The following PLPPR1 variants were observed in gnomAD, a reference collection of about 807,000 sequenced individuals.
The protein encoded by PLPPR1 is phospholipid phosphatase-related protein type 1.
A neutral mutation model predicts 33.1 loss-of-function variants in PLPPR1; 10 were observed. The ratio of observed to expected loss-of-function variants is 0.30; its 90% CI spans 0.19 to 0.51. PLPPR1 has a LOEUF of 0.51. Ranked by LOEUF, PLPPR1 falls within the 20% of genes least tolerant of loss-of-function variation. The pLI, the probability that PLPPR1 is intolerant of heterozygous loss-of-function variation, is 0.97. For missense variants in PLPPR1, 304 were observed against 408.1 expected (o/e 0.74, Z 2.20); for synonymous variants, 151 against 151.0 (o/e 1.00, Z 0.00).
intron 5 of PLPPR1, 116 bp from the exon 6 acceptor site, chr9:101,312,682 T>G (rs1828979934): frequency 1.4e-6 from 1 of 704,724 alleles, no homozygotes. Flanking sequence ...GTTAGTGTGG[T>G]TGCTTTGACA....
chr9:101,053,492 C>A (rs1830247479), intron 1 of PLPPR1, among the ~76,000 whole-genome samples: 2 of 152,110 alleles, frequency 1.3e-5, no homozygotes, highest in South Asian at 4.1e-4. Flanking sequence ...TGACAAAAAT[C>A]CCTTGAATTT....
intron 1 of PLPPR1, among the ~76,000 whole-genome samples, chr9:101,090,991 C>T (rs948844587): frequency 6.6e-6 from 1 of 151,632 alleles, no homozygotes; most frequent in Non-Finnish European, 1.5e-5. Flanking sequence ...TTCTTCCCCC[C>T]TCCACTGTTC....
intron 7 of PLPPR1, among the ~76,000 whole-genome samples, chr9:101,321,044 C>G (rs577343694): frequency 1.8e-4 from 27 of 152,294 alleles, no homozygotes; most frequent in African/African-American, 4.8e-4. Context: ...TAAATACCCC[C>G]CTGTGAGCAA....
chr9:101,180,143 TACACAC>T lies in PLPPR1; in HGVS notation c.-45-5293_-45-5288del, dbSNP rs369914371. The stretch of plus-strand genomic sequence containing the variant: ...ATATATATATATATATATATATATA[TACACAC>T]ACACACACACACATACACACACACA... On this transcript the variant is annotated intron_variant, in intron 1 of 7. Transcript: ENST00000374874. Among the ~76,000 whole-genome samples, 141 of 39,186 alleles carry T rather than the reference TACACAC, an allele frequency of 3.6e-3. 5 individuals are homozygous for T. The highest frequency in any genetic ancestry group is 7.1e-3 in the African/African-American group (61 of 8,606). 25.7% of individuals were successfully genotyped at this position (39,186 alleles called of 152,430 possible).
intron 1 of PLPPR1, among the ~76,000 whole-genome samples, chr9:101,052,246 GC>G (rs1564131021): frequency 3.3e-5 from 5 of 152,078 alleles, no homozygotes. Context: ...TCTGAACATA[GC>G]TTTAAGACCG....
rs764430946 is a variant in PLPPR1, at chr9:101,148,193, G to T, written c.-45-37257G>T. Among the ~76,000 whole-genome samples, 172 of 152,118 alleles carry T rather than the reference G, an allele frequency of 1.1e-3. 2 individuals carry two copies. The highest frequency in any genetic ancestry group is 1.1e-3 in the Non-Finnish European group (77 of 68,022). On this transcript the variant is annotated intron_variant, in intron 1 of 7. Coordinates refer to ENST00000374874, the MANE Select transcript of PLPPR1 (RefSeq NM_207299.2). ...TGTACCTCCCTTGGACCCTCATACAGTAAATGCCCTTGTGACCAATCTTCT... is the reference window on the plus strand; with the variant it reads ...TGTACCTCCCTTGGACCCTCATACATTAAATGCCCTTGTGACCAATCTTCT...
intron 3 of PLPPR1, among the ~76,000 whole-genome samples, chr9:101,273,207 T>C (rs1828130582): frequency 6.6e-6 from 1 of 152,230 alleles, no homozygotes; most frequent in African/African-American, 2.4e-5. Flanking sequence ...TAGAAAAAGA[T>C]AATATGTATC....
At chr9:101,089,770 T>G in intron 1 of PLPPR1, among the ~76,000 whole-genome samples, 1 of 152,216 alleles carries the variant, frequency 6.6e-6, no homozygotes, top group Admixed American at 6.5e-5. Flanking sequence ...TAAGAGTCTC[T>G]TGTTATTTTT....
chr9:101,126,092 CT>C (rs1297572487), intron 1 of PLPPR1, among the ~76,000 whole-genome samples: 2 of 152,190 alleles, frequency 1.3e-5, no homozygotes. Context: ...AGCAGGTCTA[CT>C]GTACAAATAG....
At chr9:101,139,840 A>C (rs1831426608) in intron 1 of PLPPR1, among the ~76,000 whole-genome samples, 1 of 152,166 alleles carries the variant, frequency 6.6e-6, no homozygotes, top group Non-Finnish European at 1.5e-5. Flanking sequence ...TCTCCCTAGA[A>C]TGGCCATTTT....
chr9:101,217,565 C>T (rs1004388814), intron 2 of PLPPR1, among the ~76,000 whole-genome samples: 12 of 152,122 alleles, frequency 7.9e-5, no homozygotes, highest in African/African-American at 2.9e-4. Context: ...ACCTGTGGGC[C>T]ATACAATCTC....
At chr9:101,266,885 T>C (rs1828008180) in intron 2 of PLPPR1, among the ~76,000 whole-genome samples, 1 of 152,158 alleles carries the variant, frequency 6.6e-6, no homozygotes, top group Admixed American at 6.5e-5. Context: ...AAGGAAGTGG[T>C]AGCACAAAGA....
At chr9:101,265,633 G>GA in intron 2 of PLPPR1, among the ~76,000 whole-genome samples, 1 of 152,316 alleles carries the variant, frequency 6.6e-6, no homozygotes, top group East Asian at 1.9e-4. Flanking sequence ...GGATCTCTCT[G>GA]CTCATGGAGA....
At chr9:101,102,291 C>T (rs1346713772) in intron 1 of PLPPR1, among the ~76,000 whole-genome samples, 1 of 114,684 alleles carries the variant, frequency 8.7e-6, no homozygotes, top group Non-Finnish European at 1.7e-5. Flanking sequence ...GCTATCCCTC[C>T]CCCATCCCCC....
At chr9:101,218,821 A>G (rs1826861196) in intron 2 of PLPPR1, among the ~76,000 whole-genome samples, 1 of 152,216 alleles carries the variant, frequency 6.6e-6, no homozygotes, top group African/African-American at 2.4e-5. Context: ...TAAAAAGACT[A>G]TTATAAAGAT....
intron 1 of PLPPR1, among the ~76,000 whole-genome samples, chr9:101,106,065 C>T (rs2118562530): frequency 6.6e-6 from 1 of 151,490 alleles, no homozygotes; most frequent in South Asian, 2.1e-4. Flanking sequence ...GATGGGTTTC[C>T]TGAATACAGC....
At chr9:101,189,405 G>A (rs1421665785) in intron 2 of PLPPR1, among the ~76,000 whole-genome samples, 1 of 152,100 alleles carries the variant, frequency 6.6e-6, no homozygotes, top group Non-Finnish European at 1.5e-5. Context: ...AGAATAGACT[G>A]TAAATGTTTC....
At chr9:101,153,706 C>G (rs1283337042) in intron 1 of PLPPR1, among the ~76,000 whole-genome samples, 1 of 152,022 alleles carries the variant, frequency 6.6e-6, no homozygotes, top group Non-Finnish European at 1.5e-5. Context: ...TCCTGAGTAG[C>G]TGGGACTACA....
intron 1 of PLPPR1, among the ~76,000 whole-genome samples, chr9:101,085,874 A>G (rs1172942473): frequency 3.3e-5 from 5 of 151,888 alleles, no homozygotes; most frequent in Admixed American, 1.3e-4. Context: ...GGGGGGCTCT[A>G]CTGTCTTCAT....
Sources: allele counts gnomAD v4.1 joint callset (sites outside exome capture counted in the v4.1 genomes callset), GRCh38; gene constraint gnomAD v4.1.1; transcripts MANE v1.5; gene names NCBI Gene and HGNC (gene_info 2026-07-23, HGNC 2026-07-21).